PCDHA2: variants seen among roughly 807,000 people sequenced by gnomAD.
PCDHA2 encodes protocadherin alpha-2.
PCDHA2 carries 58 observed loss-of-function variants against 66.0 expected under a neutral mutation model. The observed-to-expected ratio is 0.88, with a 90% CI of 0.71 to 1.09. PCDHA2 has a LOEUF of 1.09. Among genes scored for constraint, PCDHA2 ranks in the 50% least tolerant of loss-of-function variants. The probability of loss-of-function intolerance (pLI) is 0.00; values close to 1 mark genes in which losing one functional copy is unlikely to be tolerated. For synonymous variants in PCDHA2, 634 were observed against 554.0 expected, an observed-to-expected ratio of 1.14 and a Z score of -2.03; for missense variants, 1,267 against 1,242.3, an observed-to-expected ratio of 1.02 and a Z score of -0.30.
At chr5:140,843,219 C>T (rs1554139873) in intron 1 of PCDHA2, 1 of 1,596,090 alleles carries the variant, frequency 6.3e-7, no homozygotes, top group East Asian at 2.2e-5. Context: ...GAGATCAGCA[C>T]CACTCGTGTC....
At chr5:140,855,892 G>C in intron 1 of PCDHA2, 2 of 1,011,396 alleles carry the variant, frequency 2.0e-6, no homozygotes, top group Non-Finnish European at 2.9e-6. Context: ...TAGAACAAAG[G>C]CATCAGCCAG....
chr5:140,887,972 A>C (rs1169769147), intron 1 of PCDHA2, among the ~76,000 whole-genome samples: 1 of 152,114 alleles, frequency 6.6e-6, no homozygotes, highest in Non-Finnish European at 1.5e-5. Context: ...TCTCTTTTAA[A>C]ATTTATTTTA....
intron 1 of PCDHA2, among the ~76,000 whole-genome samples, chr5:140,880,397 A>C (rs1420314604): frequency 6.6e-6 from 1 of 152,246 alleles, no homozygotes; most frequent in Non-Finnish European, 1.5e-5. Context: ...TTTTAAGAGC[A>C]TATGGTTGAC....
chr5:140,894,997 T>G (rs566489828), intron 1 of PCDHA2, among the ~76,000 whole-genome samples: 15 of 152,296 alleles, frequency 9.8e-5, no homozygotes, highest in African/African-American at 3.6e-4. Flanking sequence ...TCCTTTACCC[T>G]TTTTACTTGG....
Position 140,838,073 on chromosome 5 carries a change from ATATAGTGTGTGTGTGTGT to A in PCDHA2, c.2388+40722_2388+40739del, listed in dbSNP as rs1181120432. 3.1e-4 allele frequency among the ~76,000 whole-genome samples: 39 copies of A among 126,834 alleles called. 1 individual carries two copies. The highest frequency in any genetic ancestry group is 1.5e-3 in the Admixed American group (18 of 11,662). 83.2% of individuals were successfully genotyped at this position (126,834 alleles called of 152,430 possible). A position where few individuals can be genotyped will look rare whatever the true frequency, so the allele number is the denominator to read the frequency against. ...TGGTTTTCCACTTTAAGTTATATAT[ATATAGTGTGTGTGTGTGT>A]GTGTGTGTGTGTGTGTGTGTGTGTG... On this transcript the variant is annotated intron_variant, in intron 1 of 3. Coordinates refer to ENST00000526136, the MANE Select transcript of PCDHA2 (RefSeq NM_018905.3).
At chr5:140,807,687 T>A (rs782423945) in intron 1 of PCDHA2, 1 of 1,614,228 alleles carries the variant, frequency 6.2e-7, no homozygotes, top group East Asian at 2.2e-5. Flanking sequence ...GAGAACGCCC[T>A]GCTCACTTAC....
At chr5:140,836,325 C>G in intron 1 of PCDHA2, 18 of 1,613,750 alleles carry the variant, frequency 1.1e-5, no homozygotes, top group Non-Finnish European at 1.4e-5. Context: ...CCACCGCCTT[C>G]TGGTGCTTGT....
At chr5:140,883,642 C>T (rs200197885) in intron 1 of PCDHA2, 1 of 1,613,904 alleles carries the variant, frequency 6.2e-7, no homozygotes, top group South Asian at 1.1e-5. Context: ...TCGCGCAGCC[C>T]GAGTACACGG....
chr5:140,843,269 CTGGTG>C, intron 1 of PCDHA2: 1 of 1,596,112 alleles, frequency 6.3e-7, no homozygotes, highest in East Asian at 2.2e-5. Flanking sequence ...TCTGCTGGTC[CTGGTG>C]AAGGATCATG....
intron 1 of PCDHA2, chr5:140,966,994 C>T: frequency 6.2e-7 from 1 of 1,604,620 alleles, no homozygotes; most frequent in Non-Finnish European, 8.5e-7. Context: ...GGCCGGGTTG[C>T]TTGCGCATCA....
At chr5:140,858,285 G>C in intron 1 of PCDHA2, 1 of 1,597,520 alleles carries the variant, frequency 6.3e-7, no homozygotes, top group Non-Finnish European at 8.6e-7. Context: ...GTGGGGAGCT[G>C]GTCTTACTCG....
chr5:140,888,003 A>G (rs1187660261), intron 1 of PCDHA2, among the ~76,000 whole-genome samples: 1 of 152,112 alleles, frequency 6.6e-6, no homozygotes, highest in African/African-American at 2.4e-5. Context: ...CCGAATAGTC[A>G]TCTTTTTATC....
intron 1 of PCDHA2, chr5:140,843,536 C>G: frequency 6.3e-7 from 1 of 1,595,956 alleles, no homozygotes; most frequent in Non-Finnish European, 8.6e-7. Context: ...CAAGCCCACT[C>G]TGGTGTGCTC....
intron 1 of PCDHA2, among the ~76,000 whole-genome samples, chr5:140,820,762 T>C (rs1554127916): frequency 2.0e-5 from 3 of 152,044 alleles, no homozygotes; most frequent in Non-Finnish European, 4.4e-5. Flanking sequence ...ATAGACAATA[T>C]TAGGATTTTG....
chr5:140,846,023 G>A lies in PCDHA2; in HGVS notation c.2388+48671G>A, dbSNP rs190415681. Among the ~76,000 whole-genome samples, 29 of 149,662 alleles carry A rather than the reference G, an allele frequency of 1.9e-4. No homozygotes were observed. The East Asian group carries it at 5.2e-3, about 27-fold the overall frequency. ...ATGAAAAAAATCTAAAAGTTATTACGAGTTTAGGAAAGTCAAGTTAACACC... is the reference window on the plus strand; with the variant it reads ...ATGAAAAAAATCTAAAAGTTATTACAAGTTTAGGAAAGTCAAGTTAACACC... On this transcript the variant is annotated intron_variant, in intron 1 of 3. Transcript: ENST00000526136.
At position 140,809,295 on chromosome 5, in the gene PCDHA2, C is replaced by T. The variant is rs1554125121; in HGVS notation, c.2388+11943C>T. The T allele has an allele frequency of 5.6e-6, 9 of 1,613,996 alleles. No homozygotes were observed. In the Admixed American group the frequency reaches 8.3e-5, roughly 15 times the overall value. ...GATGTCAACGTATACCTGATCATTG[C>T]CATCTGCGCGGTGTCCAGCCTTTTG... On this transcript the variant is annotated intron_variant, in intron 1 of 3. Coordinates refer to ENST00000526136, the MANE Select transcript of PCDHA2 (RefSeq NM_018905.3).
intron 1 of PCDHA2, among the ~76,000 whole-genome samples, chr5:140,975,632 A>G (rs1554236932): frequency 1.3e-5 from 2 of 152,216 alleles, no homozygotes; most frequent in African/African-American, 4.8e-5. Context: ...CATGGTACGA[A>G]GATAGCATAT....
intron 1 of PCDHA2, chr5:140,821,898 A>C (rs2150111763): frequency 6.2e-7 from 1 of 1,614,196 alleles, no homozygotes; most frequent in East Asian, 2.2e-5. Flanking sequence ...CCAAACACGG[A>C]ACCTTCGTTG....
Position 140,869,893 on chromosome 5 carries a change from C to G in PCDHA2, c.2388+72541C>G, listed in dbSNP as rs375422597. 3 of 1,610,510 alleles carry G rather than the reference C, an allele frequency of 1.9e-6. No homozygotes were observed. The African/African-American group carries it at 4.0e-5, about 21-fold the overall frequency. ...TGCTAAAGAAACTCTTGTGCTCAAA[C>G]TAAACGCCACAGACCGAGACGAAGG... On this transcript the variant is annotated intron_variant, in intron 1 of 3. Transcript: ENST00000526136.
Sources: allele counts gnomAD v4.1 joint callset (sites outside exome capture counted in the v4.1 genomes callset), GRCh38; gene constraint gnomAD v4.1.1; transcripts MANE v1.5; gene names NCBI Gene and HGNC (gene_info 2026-07-23, HGNC 2026-07-21).